The following RTL4 variants were observed in gnomAD, a reference collection of about 807,000 sequenced individuals.
RTL4 encodes the protein retrotransposon Gag-like protein 4.
A neutral mutation model predicts 5.3 loss-of-function variants in RTL4; 4 were observed. The ratio of observed to expected loss-of-function variants is 0.75; its 90% CI spans 0.37 to 1.72. The LOEUF is 1.72. RTL4 is among the 40% of genes most tolerant of loss of function. The probability of loss-of-function intolerance (pLI) is 0.04; values close to 1 mark genes in which losing one functional copy is unlikely to be tolerated. For synonymous variants in RTL4, 98 were observed against 87.3 expected, an observed-to-expected ratio of 1.12 and a Z score of -0.68; for missense variants, 260 against 227.1, an observed-to-expected ratio of 1.14 and a Z score of -0.93.
chrX:112,186,008 T>A, the RTL4 span, among the ~76,000 whole-genome samples: 1 of 111,066 alleles, frequency 9.0e-6, no homozygotes, highest in Non-Finnish European at 1.9e-5. Flanking sequence ...ACAAACTGGA[T>A]CCCATGAGGA....
chrX:112,224,946 G>T, the RTL4 span, among the ~76,000 whole-genome samples: 1 of 112,180 alleles, frequency 8.9e-6, no homozygotes, highest in Non-Finnish European at 1.9e-5. Context: ...AACACAGAAA[G>T]TGCTTCCTAT....
the RTL4 span, among the ~76,000 whole-genome samples, chrX:112,290,830 A>T: frequency 8.0e-5 from 9 of 112,225 alleles, no homozygotes; most frequent in African/African-American, 2.9e-4. Flanking sequence ...GATCCCATCT[A>T]TGAAGTACAT....
chrX:112,313,785 A>C, the RTL4 span, among the ~76,000 whole-genome samples: 1 of 110,398 alleles, frequency 9.1e-6, no homozygotes, highest in African/African-American at 3.3e-5. Context: ...AGGAGTGATT[A>C]TTAAGGTATA....
At chrX:112,133,253 A>T in the RTL4 span, among the ~76,000 whole-genome samples, 1 of 112,236 alleles carries the variant, frequency 8.9e-6, no homozygotes, top group Non-Finnish European at 1.9e-5. Flanking sequence ...CTCTTTAAAA[A>T]TTCTTTAGTA....
the RTL4 span, among the ~76,000 whole-genome samples, chrX:112,228,380 A>G: frequency 8.9e-6 from 1 of 111,915 alleles, no homozygotes; most frequent in African/African-American, 3.2e-5. Context: ...GAAGTCTGTG[A>G]CACATGTGGG....
the RTL4 span, among the ~76,000 whole-genome samples, chrX:112,377,781 T>G: frequency 4.5e-5 from 5 of 112,026 alleles, no homozygotes; most frequent in African/African-American, 1.6e-4. Flanking sequence ...GTATTCAAGA[T>G]ACCAGAGATG....
At chrX:112,179,221 A>T in the RTL4 span, among the ~76,000 whole-genome samples, 2 of 111,204 alleles carry the variant, frequency 1.8e-5, no homozygotes, top group South Asian at 7.6e-4. Flanking sequence ...GGGAGAATAA[A>T]TCAAGTAAGG....
At chrX:112,373,418 T>C in the RTL4 span, among the ~76,000 whole-genome samples, 4 of 111,218 alleles carry the variant, frequency 3.6e-5, no homozygotes, top group African/African-American at 1.3e-4. Flanking sequence ...TTGTGTGATG[T>C]TTTTCTCTAG....
the RTL4 span, among the ~76,000 whole-genome samples, chrX:112,403,407 G>C: frequency 1.8e-5 from 2 of 111,975 alleles, no homozygotes; most frequent in Admixed American, 9.5e-5. Flanking sequence ...TGCTTCATTA[G>C]TGAGTTCACT....
chrX:112,330,499 A>G, the RTL4 span, among the ~76,000 whole-genome samples: 5 of 110,974 alleles, frequency 4.5e-5, no homozygotes, highest in Admixed American at 1.9e-4. Context: ...GCTCAAGGAA[A>G]TAAAAGAGGA....
At chrX:112,420,721 C>G in the RTL4 span, among the ~76,000 whole-genome samples, 2 of 111,842 alleles carry the variant, frequency 1.8e-5, no homozygotes, top group Non-Finnish European at 3.8e-5. Flanking sequence ...GGCTCTTCAG[C>G]AGACCATTCA....
the RTL4 span, among the ~76,000 whole-genome samples, chrX:112,214,884 A>G: frequency 5.5e-5 from 6 of 109,363 alleles, no homozygotes; most frequent in Non-Finnish European, 9.5e-5. Flanking sequence ...CGCCTCCCAC[A>G]TTCATGCCAT....
At chrX:112,147,866 T>C in the RTL4 span, among the ~76,000 whole-genome samples, 1 of 111,691 alleles carries the variant, frequency 9.0e-6, no homozygotes, top group African/African-American at 3.3e-5. Flanking sequence ...ATCATCTCTT[T>C]AGGAAAACCT....
At chrX:112,271,620 C>T in the RTL4 span, among the ~76,000 whole-genome samples, 1 of 111,579 alleles carries the variant, frequency 9.0e-6, no homozygotes, top group African/African-American at 3.3e-5. Flanking sequence ...GTTTTAGAGA[C>T]AAGACTCTCA....
At chrX:112,115,907 G>C in the RTL4 span, among the ~76,000 whole-genome samples, 3 of 112,247 alleles carry the variant, frequency 2.7e-5, no homozygotes, top group Non-Finnish European at 5.6e-5. Context: ...TCGCTTGGGC[G>C]AGTGACTTTG....
At chrX:112,099,618 A>G in the RTL4 span, among the ~76,000 whole-genome samples, 6 of 111,609 alleles carry the variant, frequency 5.4e-5, no homozygotes, top group African/African-American at 2.0e-4. Context: ...GATATAGAGT[A>G]GGAGAGAGAG....
chrX:112,290,310 C>T, the RTL4 span, among the ~76,000 whole-genome samples: 1 of 111,632 alleles, frequency 9.0e-6, no homozygotes, highest in Non-Finnish European at 1.9e-5. Context: ...AGAAGGAAGC[C>T]ATCAGCACAG....
the RTL4 span, among the ~76,000 whole-genome samples, chrX:112,170,287 A>G: frequency 8.9e-6 from 1 of 111,864 alleles, no homozygotes; most frequent in Non-Finnish European, 1.9e-5. Context: ...TTTTTTCTAA[A>G]TCTGTGAAAT....
At chrX:112,244,736 TATG>T in the RTL4 span, among the ~76,000 whole-genome samples, 1 of 111,830 alleles carries the variant, frequency 8.9e-6, no homozygotes, top group East Asian at 2.8e-4. Context: ...ATCCTGTCAT[TATG>T]ATGTTAGCTG....
Sources: allele counts gnomAD v4.1 joint callset (sites outside exome capture counted in the v4.1 genomes callset), GRCh38; gene constraint gnomAD v4.1.1; transcripts MANE v1.5; gene names NCBI Gene and HGNC (gene_info 2026-07-23, HGNC 2026-07-21).